The following ULK1 variants were observed in gnomAD, a reference collection of about 807,000 sequenced individuals.
ULK1 encodes unc-51 like autophagy activating kinase 1.
Under a neutral mutation model 117.5 loss-of-function variants are expected in ULK1, and 48 were observed. The ratio of observed to expected loss-of-function variants is 0.41; its 90% confidence interval spans 0.32 to 0.52. The LOEUF is 0.52. Among genes scored for constraint, ULK1 ranks in the 20% least tolerant of loss-of-function variants. ULK1 has a pLI of 0.29. For missense variants in ULK1, 1,387 were observed against 1,473.4 expected (o/e 0.94, Z 0.96); for synonymous variants, 790 against 637.8 (o/e 1.24, Z -3.60).
At position 131,902,256 on chromosome 12, in the gene ULK1, G is replaced by A. The variant is rs150349929; in HGVS notation, c.247-4636G>A. ...ACAGCTGTGGCTTTTGCCACTTTCC[G>A]GAGCCAGCTCTGGAGGTGTGAACTA... is the stretch of plus-strand genomic sequence containing the variant. On this transcript the variant is annotated intron_variant, in intron 3 of 27. Coordinates refer to ENST00000321867, the MANE Select transcript of ULK1 (RefSeq NM_003565.4). The surrounding 1 kb of genome is among the most constrained non-coding windows in gnomAD (Gnocchi z 6.3). Among the ~76,000 whole-genome samples the A allele has an allele frequency of 2.5e-4, 38 of 152,296 alleles. No individual in the cohort carries two copies. The highest frequency in any genetic ancestry group is 5.1e-4 in the African/African-American group (21 of 41,562).
At chr12:131,911,468 T>C (rs964817026) in intron 12 of ULK1, among the ~76,000 whole-genome samples, 1 of 152,222 alleles carries the variant, frequency 6.6e-6, no homozygotes, top group Non-Finnish European at 1.5e-5. Flanking sequence ...CCTGGGGCAC[T>C]TGGGGCTTTA....
chr12:131,919,170 AG>A (rs759513097), intron 23 of ULK1, 41 bp from the exon 24 acceptor site: 1 of 1,557,342 alleles, frequency 6.4e-7, no homozygotes, highest in South Asian at 1.2e-5. Flanking sequence ...GCCCCTTCCA[AG>A]CCCGGGCAGC....
At position 131,917,310 on chromosome 12, in the gene ULK1, A is replaced by ATGGG. The variant is rs1566127192; in HGVS notation, c.2183-101_2183-100insTGGG. On this transcript the variant is annotated intron_variant, in intron 21 of 27. Transcript: ENST00000321867. ...AGGCTGTGGGACGGGGGTTGGGGGG[A>ATGGG]GCTCGGAGGCCGTGGGATGGGGGTC... 8.3e-3 allele frequency: 159 copies of ATGGG among 19,060 alleles called. 71 individuals are homozygous for ATGGG. Among genetic ancestry groups the ATGGG allele is most frequent in the Non-Finnish European group, 0.011 (131 of 11,538 alleles). 1.2% of individuals were successfully genotyped at this position (19,060 alleles called of 1,614,324 possible).
intron 16 of ULK1, 92 bp from the exon 17 acceptor site, chr12:131,914,991 C>T (rs539429703): frequency 6.1e-4 from 907 of 1,485,810 alleles, no homozygotes; most frequent in Non-Finnish European, 7.0e-4. Context: ...GGCCTCCCCT[C>T]CTAATACCTG....
intron 12 of ULK1, 111 bp downstream of exon 12, chr12:131,910,911 C>A: frequency 1.3e-6 from 2 of 1,506,580 alleles, no homozygotes; most frequent in South Asian, 2.5e-5. Flanking sequence ...CTGTGTGAGT[C>A]ACGAAAGACA....
At chr12:131,914,955 C>A in intron 16 of ULK1, 128 bp from the exon 17 acceptor site, 1 of 1,354,594 alleles carries the variant, frequency 7.4e-7, no homozygotes, top group Non-Finnish European at 9.9e-7. Context: ...AGCCACTTGG[C>A]GTGGCATGGG....
intron 3 of ULK1, among the ~76,000 whole-genome samples, chr12:131,900,053 G>A (rs560275249): frequency 6.7e-5 from 10 of 149,694 alleles, no homozygotes; most frequent in Non-Finnish European, 1.3e-4. Context: ...GGAAGTGGAG[G>A]CTGCAGTGAG....
Position 131,908,836 on chromosome 12 carries a change from A to AGGCG in ULK1, c.490+23_490+26dup, listed in dbSNP as rs1488205770. 1 of 1,605,350 alleles carries AGGCG rather than the reference A, an allele frequency of 6.2e-7. No individual in the cohort carries two copies. The highest frequency in any genetic ancestry group is 1.3e-5 in the African/African-American group (1 of 74,732). On this transcript the variant is annotated intron_variant, in intron 6 of 27. Coordinates refer to ENST00000321867, the MANE Select transcript of ULK1 (RefSeq NM_003565.4). ...AAGATCGGTCAGCCCGCGGGCAGGCAGGCGGGCCCGGCGGGGAGGGGCTCC... is the reference window on the plus strand; with the variant it reads ...AAGATCGGTCAGCCCGCGGGCAGGCAGGCGGGCGGGCCCGGCGGGGAGGGGCTCC...
intron 20 of ULK1, 121 bp downstream of exon 20, chr12:131,916,712 T>C (rs1402878886): frequency 4.6e-6 from 6 of 1,291,578 alleles, no homozygotes. Flanking sequence ...CTTCTGTGGG[T>C]GCCCAGTGTG....
chr12:131,920,381 C>T (rs991711128), intron 26 of ULK1: 12 of 502,194 alleles, frequency 2.4e-5, no homozygotes, highest in Admixed American at 3.6e-5. Flanking sequence ...GACTCAGTTT[C>T]CCCAATTGTA....
chr12:131,901,037 A>G (rs891877280), intron 3 of ULK1, among the ~76,000 whole-genome samples: 4 of 149,584 alleles, frequency 2.7e-5, no homozygotes, highest in African/African-American at 1.0e-4. Flanking sequence ...AGTTGTGTAT[A>G]TCTTTTTTTT....
At position 131,903,698 on chromosome 12, in the gene ULK1, T is replaced by C. The variant is rs546998666; in HGVS notation, c.247-3194T>C. Among the ~76,000 whole-genome samples the C allele has an allele frequency of 2.6e-5, 4 of 152,154 alleles. No individual in the cohort carries two copies. The South Asian group carries it at 8.3e-4, about 32-fold the overall frequency. On this transcript the variant is annotated intron_variant, in intron 3 of 27. Transcript: ENST00000321867. This position sits in a 1 kb window ranked among gnomAD's most constrained non-coding sequence, Gnocchi z 6.0. ...CCCCCAGTGGCCTTGAGTCACCTGCTGGAGAGGACCTTTTAGGAGAGAGGC... is the reference window on the plus strand; with the variant it reads ...CCCCCAGTGGCCTTGAGTCACCTGCCGGAGAGGACCTTTTAGGAGAGAGGC...
At chr12:131,905,371 CTG>C (rs141642031) in intron 3 of ULK1, among the ~76,000 whole-genome samples, 20,297 of 152,046 alleles carry the variant, frequency 0.13, 2,238 homozygotes, top group African/African-American at 0.31. Flanking sequence ...CCTCCTGGGA[CTG>C]GGGGCTGAGC....
Position 131,922,385 on chromosome 12 carries a change from G to A in ULK1, c.*1024G>A. On this transcript the variant is annotated 3_prime_UTR_variant, in exon 28 of 28. Coordinates refer to ENST00000321867, the MANE Select transcript of ULK1 (RefSeq NM_003565.4). ...GCACCCTCCCTACCTGGGCCTGGAAGCAGATGAGGGGAATACTTCATGCAA... is the reference window on the plus strand; with the variant it reads ...GCACCCTCCCTACCTGGGCCTGGAAACAGATGAGGGGAATACTTCATGCAA... 4.2e-6 allele frequency: 1 copy of A among 239,880 alleles called. No individual in the cohort carries two copies. The highest frequency in any genetic ancestry group is 1.7e-3 in the Middle Eastern group (1 of 580). 14.9% of individuals were successfully genotyped at this position (239,880 alleles called of 1,614,324 possible).
At chr12:131,897,108 G>A (rs374454774) in intron 3 of ULK1, 1 of 152,216 alleles carries the variant, frequency 6.6e-6, no homozygotes, top group African/African-American at 2.4e-5. Context: ...GCAACTCTGC[G>A]GCTTTCTCTA....
At chr12:131,920,905 G>C (rs1403220323) in intron 26 of ULK1, 195 bp from the exon 27 acceptor site, 4 of 746,860 alleles carry the variant, frequency 5.4e-6, no homozygotes, top group South Asian at 2.1e-5. Flanking sequence ...AGGGTCATCT[G>C]GTTCCAGGCA....
chr12:131,921,310 G>A lies in ULK1; in HGVS notation c.3102G>A (p.Lys1034=), dbSNP rs1890140408. 6.2e-7 allele frequency: 1 copy of A among 1,607,776 alleles called. No individual in the cohort carries two copies. The highest frequency in any genetic ancestry group is 1.1e-5 in the South Asian group (1 of 91,084). Residue 1034 remains lysine (K), a synonymous_variant, in exon 28 of 28, where the codon AAG becomes AAA. Transcript: ENST00000321867. ...QADIENVTKC[K]LCIERRLSAL... ...CACTCCCCTCTCCCTCCACAGGCAA[G>A]CTGTGCATTGAGCGGAGACTCTCGG...
intron 13 of ULK1, among the ~76,000 whole-genome samples, chr12:131,912,417 A>T (rs1889580743): frequency 6.6e-6 from 1 of 151,372 alleles, no homozygotes; most frequent in South Asian, 2.1e-4. Flanking sequence ...TTTCTCAGCA[A>T]CTCTTGTTGC....
At position 131,921,340 on chromosome 12, in the gene ULK1, G is replaced by A. The variant is rs375577884; in HGVS notation, c.3132G>A (p.Leu1044=). ...KLCIERRLSA[L]LTGICA is the part of the protein sequence containing the mutation. ...GCATTGAGCGGAGACTCTCGGCGCT[G>A]CTGACTGGCATCTGTGCCTGACCTT... Residue 1044 remains leucine (L), a synonymous_variant, in exon 28 of 28, where the codon CTG becomes CTA. Coordinates refer to ENST00000321867, the MANE Select transcript of ULK1 (RefSeq NM_003565.4). The A allele has an allele frequency of 4.8e-5, 77 of 1,605,136 alleles. 1 individual carries two copies. The highest frequency in any genetic ancestry group is 2.6e-4 in the South Asian group (24 of 91,092).
Sources: gnomAD v4.1 joint callset for allele counts (sites outside exome capture counted in the v4.1 genomes callset) on GRCh38, gnomAD v4.1.1 for gene constraint, Gnocchi (gnomAD v3.1) non-coding constraint, MANE v1.5 for transcripts, NCBI Gene and HGNC (gene_info 2026-07-23, HGNC 2026-07-21) for gene names.